The following RNF17 variants were observed in gnomAD, a reference collection of about 807,000 sequenced individuals.
RNF17 encodes ring finger protein 17.
Under a neutral mutation model 200.5 loss-of-function variants are expected in RNF17, and 31 were observed. The observed-to-expected ratio is 0.15, with a 90% CI of 0.12 to 0.21. RNF17 has a LOEUF of 0.21. Among genes scored for constraint, RNF17 ranks in the 10% least tolerant of loss-of-function variants. The probability of loss-of-function intolerance (pLI) is 1.00; values close to 1 mark genes in which losing one functional copy is unlikely to be tolerated. For synonymous variants in RNF17, 606 were observed against 637.8 expected, an observed-to-expected ratio of 0.95 and a Z score of 0.75; for missense variants, 1,628 against 1,905.1, an observed-to-expected ratio of 0.85 and a Z score of 2.71.
At chr13:24,771,672 T>C (rs897555035) in intron 2 of RNF17, among the ~76,000 whole-genome samples, 6 of 150,648 alleles carry the variant, frequency 4.0e-5, no homozygotes, top group Admixed American at 1.3e-4. Flanking sequence ...CAGACCTTCC[T>C]AACTCAAAGT....
intron 15 of RNF17, among the ~76,000 whole-genome samples, chr13:24,810,015 A>G (rs2137810902): frequency 6.6e-6 from 1 of 152,100 alleles, no homozygotes; most frequent in South Asian, 2.1e-4. Flanking sequence ...ATAGTTTGTT[A>G]TAATTTCTGT....
rs1566246054 is a variant in RNF17, at chr13:24,865,101, G to C, written c.4101+103G>C. On this transcript the variant is annotated intron_variant, in intron 29 of 35. Transcript: ENST00000255324. Reference sequence around the variant, plus strand: ...GTCTTAAATATGATTCTACATATCTGATCTATTAAGAGAGTCTAGAGGACT... The same window carrying C: ...GTCTTAAATATGATTCTACATATCTCATCTATTAAGAGAGTCTAGAGGACT... The C allele has an allele frequency of 3.5e-6, 3 of 848,430 alleles. No individual in the cohort carries two copies. The East Asian group carries it at 8.2e-5, about 23-fold the overall frequency. The allele number at this position is 848,430 out of a possible 1,614,324, so 52.6% of individuals were successfully genotyped here. A position where few individuals can be genotyped will look rare whatever the true frequency, so the allele number is the denominator to read the frequency against.
At chr13:24,827,634 G>A (rs918728545) in intron 16 of RNF17, among the ~76,000 whole-genome samples, 9 of 142,638 alleles carry the variant, frequency 6.3e-5, no homozygotes, top group African/African-American at 2.1e-4. Flanking sequence ...CCCGGGAGGC[G>A]GAGCTTGCAG....
rs753917521 is a variant in RNF17, at chr13:24,800,500, C to T, written c.1724C>T (p.Pro575Leu). 1 of 1,613,344 alleles carries T rather than the reference C, an allele frequency of 6.2e-7. No homozygotes were observed. The highest frequency in any genetic ancestry group is 1.1e-5 in the South Asian group (1 of 90,942). ...LLKDIQPLAQ[P>L]CSLKDIVPQN... The stretch of plus-strand genomic sequence containing the variant: ...AAAGACATCCAGCCATTAGCACAAC[C>T]ATGCTCATTGAAAGACATTGTTCCA... The change falls in exon 13 of 36, where the codon CCA becomes CTA. Residue 575 changes from proline (P) to leucine (L), a missense_variant. Transcript: ENST00000255324.
chr13:24,844,090 G>A (rs1890982879), intron 20 of RNF17, 119 bp downstream of exon 20: 2 of 370,870 alleles, frequency 5.4e-6, no homozygotes, highest in Non-Finnish European at 9.3e-6. Flanking sequence ...TTTTAACTAA[G>A]TAGTCTCAGC....
In RNF17 at chr13:24,842,124, C is replaced by G; in HGVS notation, c.2566C>G (p.Gln856Glu). 1 of 1,609,488 alleles carries G rather than the reference C, an allele frequency of 6.2e-7. No homozygotes were observed. The highest frequency in any genetic ancestry group is 1.3e-5 in the African/African-American group (1 of 74,868). Residue 856 changes from glutamine to glutamate, a missense_variant, in exon 19 of 36, where the codon CAG becomes GAG. Coordinates refer to ENST00000255324, the MANE Select transcript of RNF17 (RefSeq NM_031277.3). The stretch of plus-strand genomic sequence containing the variant: ...AATGACTACTACTAGTATTAATGAC[C>G]AGCTAGTTAAAGAGGGCCTAGCATC... Reference protein sequence around the residue: ...PEMTTTSINDQLVKEGLASYE... With the variant: ...PEMTTTSINDELVKEGLASYE...
chr13:24,871,923 GC>G (rs1023761702), intron 32 of RNF17, among the ~76,000 whole-genome samples: 34 of 144,832 alleles, frequency 2.3e-4, no homozygotes, highest in Non-Finnish European at 4.8e-4. Context: ...GAGCCACCGT[GC>G]CCGGCCCAGA....
intron 15 of RNF17, among the ~76,000 whole-genome samples, chr13:24,804,756 G>T (rs1056418961): frequency 6.6e-6 from 1 of 152,020 alleles, no homozygotes; most frequent in Non-Finnish European, 1.5e-5. Flanking sequence ...AAAATTTACC[G>T]ATTATTATTA....
At chr13:24,833,203 C>A (rs183899605) in intron 18 of RNF17, among the ~76,000 whole-genome samples, 1 of 152,250 alleles carries the variant, frequency 6.6e-6, no homozygotes, top group African/African-American at 2.4e-5. Context: ...TGTGTCCATG[C>A]CTTTCCTTTA....
chr13:24,777,882 CATT>C (rs1566121071), intron 3 of RNF17, among the ~76,000 whole-genome samples: 1 of 152,072 alleles, frequency 6.6e-6, no homozygotes, highest in South Asian at 2.1e-4. Flanking sequence ...TCTTATAAGT[CATT>C]ATATGAATTA....
chr13:24,831,375 G>A (rs1484909055), intron 17 of RNF17, among the ~76,000 whole-genome samples: 1 of 152,132 alleles, frequency 6.6e-6, no homozygotes, highest in Non-Finnish European at 1.5e-5. Context: ...CCGGGAGGCG[G>A]AGGTTGCGGT....
intron 28 of RNF17, 126 bp from the exon 29 acceptor site, chr13:24,864,747 G>A: frequency 3.0e-6 from 2 of 674,342 alleles, no homozygotes; most frequent in Admixed American, 2.8e-5. Context: ...TCTATGAAAT[G>A]AGTCACTAGC....
intron 19 of RNF17, among the ~76,000 whole-genome samples, chr13:24,843,518 A>C (rs942113280): frequency 5.9e-4 from 90 of 151,580 alleles, no homozygotes; most frequent in Non-Finnish European, 1.0e-3. Flanking sequence ...ACTCCATTTA[A>C]AAAAAAAAAA....
chr13:24,839,278 A>T (rs1890358532), intron 18 of RNF17, among the ~76,000 whole-genome samples: 1 of 152,172 alleles, frequency 6.6e-6, no homozygotes, highest in Admixed American at 6.5e-5. Flanking sequence ...ATTGATGGGT[A>T]GAATGAATAT....
chr13:24,789,388 C>T lies in RNF17; in HGVS notation c.824C>T (p.Ala275Val). The T allele has an allele frequency of 6.2e-7, 1 of 1,605,266 alleles. No individual in the cohort carries two copies. The highest frequency in any genetic ancestry group is 8.5e-7 in the Non-Finnish European group (1 of 1,173,486). Reference protein sequence around the residue: ...TLQLTSDSELAQVSSPQLRNP... With the variant: ...TLQLTSDSELVQVSSPQLRNP... The stretch of plus-strand genomic sequence containing the variant: ...CAGTTAACTTCAGATAGTGAATTAG[C>T]ACAAGTTAGTTCTCCACAACTAAGG... The change falls in exon 8 of 36, where the codon GCA becomes GTA. Residue 275 changes from alanine (A) to valine (V), a missense_variant. This residue lies in a region of RNF17 where 502 missense variants were observed against 501.7 expected (regional missense o/e 1.00). Coordinates refer to ENST00000255324, the MANE Select transcript of RNF17 (RefSeq NM_031277.3).
At chr13:24,776,142 C>T (rs4353361) in intron 3 of RNF17, among the ~76,000 whole-genome samples, 109 of 152,236 alleles carry the variant, frequency 7.2e-4, no homozygotes, top group South Asian at 1.4e-3. Context: ...ACTCTAGTTC[C>T]TTCTATTACA....
chr13:24,883,502 A>T (rs1249912461), downstream of RNF17: 1 of 662,056 alleles, frequency 1.5e-6, no homozygotes, highest in Non-Finnish European at 2.5e-6. Flanking sequence ...TCCCTATACA[A>T]TTGTAACTTT....
chr13:24,855,037 A>C (rs9511478), intron 25 of RNF17, among the ~76,000 whole-genome samples: 35,058 of 152,010 alleles, frequency 0.23, 4,513 homozygotes, highest in Non-Finnish European at 0.29. Context: ...CAAATTTTTT[A>C]GGTTTTCCAT....
At chr13:24,754,572 G>C in the RNF17 span, among the ~76,000 whole-genome samples, 1 of 152,110 alleles carries the variant, frequency 6.6e-6, no homozygotes, top group Non-Finnish European at 1.5e-5. Flanking sequence ...AGTCCTCCCT[G>C]TTCCTACCCA....
Sources: allele counts gnomAD v4.1 joint callset (sites outside exome capture counted in the v4.1 genomes callset), GRCh38; gene constraint gnomAD v4.1.1; regional missense constraint gnomAD v4.1.1; transcripts MANE v1.5; gene names NCBI Gene and HGNC (gene_info 2026-07-23, HGNC 2026-07-21).